HERC5: variants seen among roughly 807,000 people sequenced by gnomAD.
The protein encoded by HERC5 is HECT and RLD domain containing E3 ubiquitin protein ligase 5.
In HERC5, 99 loss-of-function variants were observed where a neutral mutation model predicts 119.6. The ratio of observed to expected loss-of-function variants is 0.83; its 90% CI spans 0.70 to 0.98. The LOEUF is 0.98. Among genes scored for constraint, HERC5 ranks in the 50% least tolerant of loss-of-function variants. HERC5 has a pLI of 0.00. For missense variants in HERC5, 1,267 were observed against 1,241.3 expected (o/e 1.02, Z -0.31); for synonymous variants, 478 against 445.9 (o/e 1.07, Z -0.91).
chr4:88,494,706 C>CA (rs1741749214), intron 18 of HERC5, among the ~76,000 whole-genome samples: 1 of 152,112 alleles, frequency 6.6e-6, no homozygotes, highest in African/African-American at 2.4e-5. Flanking sequence ...ACCACCTCAC[C>CA]AAAAAATGGC....
In HERC5 at chr4:88,457,446, G is replaced by A; in HGVS notation, c.177G>A (p.Ser59=). 7.4e-7 allele frequency: 1 copy of A among 1,348,906 alleles called. No individual in the cohort carries two copies. Among genetic ancestry groups the A allele is most frequent in the Non-Finnish European group, 9.5e-7 (1 of 1,053,718 alleles). The allele number at this position is 1,348,906 out of a possible 1,614,324, so 83.6% of individuals were successfully genotyped here. The change falls in exon 1 of 23, where the codon TCG becomes TCA. Residue 59 remains serine (S), a synonymous_variant. Transcript: ENST00000264350. Reference sequence around the variant, plus strand: ...AGGTGACGCGCCAACTCTGCTGCTCGCCGGGGCGCCTCGCGGTCTTGGAAC... The same window carrying A: ...AGGTGACGCGCCAACTCTGCTGCTCACCGGGGCGCCTCGCGGTCTTGGAAC... The part of the protein sequence containing the change: ...RVEVTRQLCC[S]PGRLAVLERG...
chr4:88,469,437 A>G (rs563127801), intron 9 of HERC5, among the ~76,000 whole-genome samples, 177 bp downstream of exon 9: 2 of 152,230 alleles, frequency 1.3e-5, no homozygotes, highest in African/African-American at 4.8e-5. Context: ...CTGTCCATCT[A>G]TGTATCTATG....
rs778257480 is a variant in HERC5, at chr4:88,463,642, C to A, written c.780+19C>A. On this transcript the variant is annotated intron_variant, in intron 5 of 22. Coordinates refer to ENST00000264350, the MANE Select transcript of HERC5 (RefSeq NM_016323.4). ...CACACAGGTGGGTGTACCCTTGTCT[C>A]TTTTTGGCTGTATTTTTAGAAGAAC... 4.4e-6 allele frequency: 7 copies of A among 1,592,328 alleles called. No homozygotes were observed. The highest frequency in any genetic ancestry group is 3.5e-5 in the Admixed American group (2 of 57,802).
intron 17 of HERC5, 36 bp from the exon 18 acceptor site, chr4:88,494,129 C>T: frequency 7.2e-7 from 1 of 1,393,224 alleles, no homozygotes; most frequent in Non-Finnish European, 1.0e-6. Flanking sequence ...CTGGTAAAAA[C>T]TCATAATACT....
At position 88,469,187 on chromosome 4, in the gene HERC5, C is replaced by T; in HGVS notation, c.1165C>T (p.Pro389Ser). ...ATATGTTAATCTGAAGAGGACAATT[C>T]CTACTCTGAATGAAGGGACTGTAAA... ...NSYVNLKRTI[P>S]TLNEGTVKRW... The change falls in exon 9 of 23, where the codon CCT becomes TCT. Residue 389 changes from proline (P) to serine (S), a missense_variant. Pro to Ser is a moderately conservative substitution (Grantham distance 74). Around this residue, in one of 3 missense-constraint regions of HERC5, gnomAD observed 777 missense variants for 758.0 expected, o/e 1.03. Coordinates refer to ENST00000264350, the MANE Select transcript of HERC5 (RefSeq NM_016323.4). The T allele has an allele frequency of 6.2e-7, 1 of 1,612,052 alleles. No individual in the cohort carries two copies. Among genetic ancestry groups the T allele is most frequent in the Non-Finnish European group, 8.5e-7 (1 of 1,178,320 alleles).
At chr4:88,486,345 T>C (rs1488263874) in intron 14 of HERC5, 117 bp downstream of exon 14, 2 of 579,496 alleles carry the variant, frequency 3.5e-6, no homozygotes, top group African/African-American at 1.9e-5. Context: ...ACATTAAGAC[T>C]CCTCAAAATC....
intron 18 of HERC5, among the ~76,000 whole-genome samples, chr4:88,496,452 G>T (rs937904102): frequency 1.8e-4 from 27 of 152,298 alleles, no homozygotes; most frequent in Non-Finnish European, 3.5e-4. Context: ...ATTGGTGCAG[G>T]TTTTCCGATA....
intron 18 of HERC5, among the ~76,000 whole-genome samples, chr4:88,498,539 T>C (rs1741863387): frequency 1.3e-5 from 2 of 152,210 alleles, no homozygotes; most frequent in South Asian, 2.1e-4. Flanking sequence ...AATGGGAATG[T>C]CTATCCTATG....
At chr4:88,461,482 A>G (rs1004938653) in intron 3 of HERC5, among the ~76,000 whole-genome samples, 1 of 152,180 alleles carries the variant, frequency 6.6e-6, no homozygotes, top group Non-Finnish European at 1.5e-5. Context: ...TGTGAAGGAG[A>G]GGCTCTGCTT....
In HERC5 at chr4:88,457,119, A is replaced by C. The variant is rs1435448656; in HGVS notation, c.-151A>C. On this transcript the variant is annotated 5_prime_UTR_variant, in exon 1 of 23. Coordinates refer to ENST00000264350, the MANE Select transcript of HERC5 (RefSeq NM_016323.4). ...GGGCGTGGCGTCCCGGCAGGGGCTC[A>C]GTAGCTGAGGCTGCGGTTCCCCGAC... The C allele has an allele frequency of 1.6e-6, 2 of 1,231,382 alleles. No individual in the cohort carries two copies. Among genetic ancestry groups the C allele is most frequent in the Non-Finnish European group, 2.0e-6 (2 of 987,412 alleles). 76.3% of individuals were successfully genotyped at this position (1,231,382 alleles called of 1,614,324 possible). A position where few individuals can be genotyped will look rare whatever the true frequency, so the allele number is the denominator to read the frequency against.
intron 2 of HERC5, 145 bp downstream of exon 2, chr4:88,459,615 T>C: frequency 1.9e-6 from 1 of 531,722 alleles, no homozygotes; most frequent in South Asian, 3.9e-5. Flanking sequence ...AGTAAAGTCC[T>C]TATGTCCCCC....
rs761067861 is a variant in HERC5 at position 88,459,424 on chromosome 4, G to A, written c.343G>A (p.Asp115Asn). ...GAEHMLILSSDGKPFEYDNYS... is the reference protein window; with the variant it reads ...GAEHMLILSSNGKPFEYDNYS... ...AGAGCACATGCTGATTCTCTCATCA[G>A]ATGGAAAACCATTTGAGTATGACAA... The change falls in exon 2 of 23, where the codon GAT becomes AAT. Residue 115 changes from aspartate (D) to asparagine (N), a missense_variant. Asp to Asn is a conservative substitution (Grantham distance 23). Transcript: ENST00000264350. 1 of 1,593,280 alleles carries A rather than the reference G, an allele frequency of 6.3e-7. No individual in the cohort carries two copies. The highest frequency in any genetic ancestry group is 8.5e-7 in the Non-Finnish European group (1 of 1,170,272).
chr4:88,476,039 G>T lies in HERC5; in HGVS notation c.1582+9G>T. 1.2e-6 allele frequency: 2 copies of T among 1,606,790 alleles called. No individual in the cohort carries two copies. Among genetic ancestry groups the T allele is most frequent in the South Asian group, 2.2e-5 (2 of 89,880 alleles). On this transcript the variant is annotated intron_variant, in intron 12 of 22. Transcript: ENST00000264350. ...GTCTTCACTGGTTCTGGGTAAGTTT[G>T]ATCATTTGAAGATACTTTACCTGTC...
intron 20 of HERC5, 34 bp from the exon 21 acceptor site, chr4:88,504,198 C>T: frequency 7.2e-7 from 1 of 1,393,452 alleles, no homozygotes; most frequent in Non-Finnish European, 1.0e-6. Context: ...CAGGATATTG[C>T]AGTAAGTGGA....
chr4:88,479,604 A>G lies in HERC5; in HGVS notation c.1737+97A>G, dbSNP rs373480551. The G allele has an allele frequency of 4.1e-6, 4 of 975,716 alleles. No homozygotes were observed. In the African/African-American group the frequency reaches 5.0e-5, roughly 12 times the overall value. 60.4% of individuals were successfully genotyped at this position (975,716 alleles called of 1,614,324 possible). ...ATCTTTAAGTAGACTCGTGTGAGAC[A>G]TACGAAGTTTATATTGCTATTTTTT... On this transcript the variant is annotated intron_variant, in intron 13 of 22. Coordinates refer to ENST00000264350, the MANE Select transcript of HERC5 (RefSeq NM_016323.4).
chr4:88,496,804 T>C lies in HERC5; in HGVS notation c.2444+2473T>C, dbSNP rs143126476. 3.4e-4 allele frequency among the ~76,000 whole-genome samples: 52 copies of C among 152,332 alleles called. 1 individual carries two copies. The highest frequency in any genetic ancestry group is 1.2e-3 in the African/African-American group (50 of 41,576). The stretch of plus-strand genomic sequence containing the variant: ...CAATAAGATTAAAGAACTTCTTTCT[T>C]CATCAAGAGGGTGTTAGAAAAATGC... On this transcript the variant is annotated intron_variant, in intron 18 of 22. Transcript: ENST00000264350.
intron 18 of HERC5, among the ~76,000 whole-genome samples, chr4:88,496,446 G>A (rs1232498126): frequency 6.6e-6 from 1 of 152,218 alleles, no homozygotes; most frequent in African/African-American, 2.4e-5. Flanking sequence ...TATGATATTG[G>A]TGCAGGTTTT....
intron 3 of HERC5, among the ~76,000 whole-genome samples, chr4:88,461,459 C>A (rs1412637355): frequency 1.3e-5 from 2 of 152,132 alleles, no homozygotes; most frequent in Non-Finnish European, 2.9e-5. Flanking sequence ...TTGACAGGTG[C>A]ATGAAAATTG....
At chr4:88,464,947 T>G (rs1740603633) in intron 6 of HERC5, among the ~76,000 whole-genome samples, 1 of 152,096 alleles carries the variant, frequency 6.6e-6, no homozygotes, top group Non-Finnish European at 1.5e-5. Flanking sequence ...ATTTTTTGTA[T>G]TTTTAGTAAA....
Sources: allele counts gnomAD v4.1 joint callset (sites outside exome capture counted in the v4.1 genomes callset), GRCh38; gene constraint gnomAD v4.1.1; regional missense constraint gnomAD v4.1.1; transcripts MANE v1.5; gene names NCBI Gene and HGNC (gene_info 2026-07-23, HGNC 2026-07-21).